The following STS variants were observed in gnomAD, a reference collection of about 807,000 sequenced individuals.
The protein encoded by STS is steryl-sulfatase.
A neutral mutation model predicts 26.8 loss-of-function variants in STS; 7 were observed. The observed-to-expected ratio is 0.26, with a 90% confidence interval of 0.15 to 0.49. STS has a LOEUF of 0.49. Among genes scored for constraint, STS ranks in the 20% least tolerant of loss-of-function variants. The pLI is 0.98. For synonymous variants in STS, 199 were observed against 189.4 expected (o/e 1.05, Z -0.42); for missense variants, 434 against 465.6 (o/e 0.93, Z 0.63).
intron 10 of STS, among the ~76,000 whole-genome samples, chrX:7,338,409 A>G (rs1271841584): frequency 5.3e-5 from 6 of 112,450 alleles, no homozygotes. Flanking sequence ...ATGCAATGCA[A>G]TATAGTACAT....
chrX:7,205,481 A>G (rs1485885488), intron 2 of STS, among the ~76,000 whole-genome samples: 1 of 111,548 alleles, frequency 9.0e-6, no homozygotes, highest in Non-Finnish European at 1.9e-5. Context: ...TGAGGAGCAA[A>G]TAGTGGGCAC....
chrX:7,284,908 A>G (rs1925050752), intron 7 of STS, among the ~76,000 whole-genome samples: 1 of 111,222 alleles, frequency 9.0e-6, no homozygotes, highest in Admixed American at 9.6e-5. Context: ...TGGTATAATA[A>G]TGGTGTTGTG....
chrX:7,176,907 G>C (rs1164835494), intron 1 of STS, among the ~76,000 whole-genome samples: 1 of 111,649 alleles, frequency 9.0e-6, no homozygotes, highest in Non-Finnish European at 1.9e-5. Context: ...AAGACTAGTG[G>C]CTTAGATTAT....
At chrX:7,314,363 A>C (rs1300276657) in intron 8 of STS, among the ~76,000 whole-genome samples, 2 of 111,549 alleles carry the variant, frequency 1.8e-5, no homozygotes, top group African/African-American at 6.5e-5. Flanking sequence ...TCTCAAAAAA[A>C]AAGTGTGAGC....
intron 10 of STS, among the ~76,000 whole-genome samples, chrX:7,337,817 T>C (rs1345711869): frequency 8.9e-6 from 1 of 112,090 alleles, no homozygotes; most frequent in Non-Finnish European, 1.9e-5. Flanking sequence ...TTTGTTGGTA[T>C]CAGTAGAACT....
At chrX:7,162,912 C>A in intron 1 of STS, among the ~76,000 whole-genome samples, 1 of 99,943 alleles carries the variant, frequency 1.0e-5, no homozygotes, top group African/African-American at 3.6e-5. Context: ...AAAAAATTAG[C>A]TGGGCCTGGT....
chrX:7,311,321 A>C (rs974441494), intron 8 of STS, among the ~76,000 whole-genome samples: 1 of 111,323 alleles, frequency 9.0e-6, no homozygotes, highest in Non-Finnish European at 1.9e-5. Flanking sequence ...GAGGACTGAC[A>C]TAACTGTTAG....
chrX:7,249,727 A>T (rs1408967095), intron 2 of STS, among the ~76,000 whole-genome samples: 1 of 111,756 alleles, frequency 8.9e-6, no homozygotes, highest in Non-Finnish European at 1.9e-5. Context: ...TGCTATGAGT[A>T]TGACTAGGGC....
intron 2 of STS, among the ~76,000 whole-genome samples, chrX:7,220,442 T>A (rs1921500038): frequency 9.1e-6 from 1 of 110,192 alleles, no homozygotes; most frequent in Non-Finnish European, 1.9e-5. Flanking sequence ...ATCCTTTCTC[T>A]CTTTTACAGA....
intron 1 of STS, among the ~76,000 whole-genome samples, chrX:7,186,283 C>T: frequency 8.9e-6 from 1 of 111,960 alleles, no homozygotes; most frequent in Admixed American, 9.4e-5. Flanking sequence ...ATTTAACATC[C>T]ATATAAAGGG....
chrX:7,347,506 T>C (rs1173456661), intron 10 of STS, among the ~76,000 whole-genome samples: 1 of 111,897 alleles, frequency 8.9e-6, no homozygotes, highest in African/African-American at 3.3e-5. Flanking sequence ...CCTGCATCTC[T>C]TGACTGGGCC....
intron 1 of STS, among the ~76,000 whole-genome samples, chrX:7,187,217 CTA>C (rs1933789453): frequency 8.9e-6 from 1 of 112,390 alleles, no homozygotes; most frequent in Admixed American, 9.4e-5. Context: ...GCACCATACT[CTA>C]TGTCTTCCTC....
At position 7,350,304 on chromosome X, in the gene STS, A is replaced by G; in HGVS notation, c.*43A>G. 2.5e-6 allele frequency: 3 copies of G among 1,187,920 alleles called. No individual in the cohort carries two copies. The highest frequency in any genetic ancestry group is 3.1e-5 in the East Asian group (1 of 32,749). On this transcript the variant is annotated 3_prime_UTR_variant, in exon 11 of 11. Coordinates refer to ENST00000674429, the MANE Select transcript of STS (RefSeq NM_001320752.2). ...ACAGACGCATGTGGCAAAGCTCACCATCTTCACTACAAACACGCCTGAGAG... is the reference window on the plus strand; with the variant it reads ...ACAGACGCATGTGGCAAAGCTCACCGTCTTCACTACAAACACGCCTGAGAG...
At chrX:7,245,281 A>T (rs183190518) in intron 2 of STS, among the ~76,000 whole-genome samples, 28 of 112,079 alleles carry the variant, frequency 2.5e-4, no homozygotes, top group African/African-American at 8.4e-4. Flanking sequence ...TTAAAGACGG[A>T]TGCTAATTTT....
chrX:7,334,717 G>C, intron 10 of STS, among the ~76,000 whole-genome samples: 1 of 112,571 alleles, frequency 8.9e-6, no homozygotes, highest in East Asian at 2.8e-4. Context: ...ATGATGGATC[G>C]TGACTCACTG....
intron 3 of STS, among the ~76,000 whole-genome samples, chrX:7,257,010 G>T (rs1315960467): frequency 8.9e-6 from 1 of 111,991 alleles, no homozygotes; most frequent in Non-Finnish European, 1.9e-5. Context: ...CCAGCAATTT[G>T]GGAGGCTGAG....
intron 2 of STS, among the ~76,000 whole-genome samples, chrX:7,204,136 C>A (rs1031568956): frequency 3.7e-4 from 41 of 111,432 alleles, no homozygotes; most frequent in African/African-American, 1.1e-3. Context: ...ATGTTTGGTT[C>A]TGCCTTTTAC....
chrX:7,335,234 A>T (rs1456414959), intron 10 of STS, among the ~76,000 whole-genome samples: 1 of 112,417 alleles, frequency 8.9e-6, no homozygotes. Context: ...ACAGTGTAAA[A>T]GTGTTCCTAT....
At chrX:7,327,743 C>T (rs561803679) in intron 9 of STS, among the ~76,000 whole-genome samples, 22 of 111,233 alleles carry the variant, frequency 2.0e-4, no homozygotes, top group African/African-American at 7.2e-4. Flanking sequence ...GGCCTTCACT[C>T]CTTCTCTGGA....
Sources: allele counts gnomAD v4.1 joint callset (sites outside exome capture counted in the v4.1 genomes callset), GRCh38; gene constraint gnomAD v4.1.1; transcripts MANE v1.5; gene names NCBI Gene and HGNC (gene_info 2026-07-23, HGNC 2026-07-21).